Variants in ARFGAP2 observed in about 807,000 individuals in gnomAD.
ARFGAP2 encodes the protein ADP-ribosylation factor GTPase-activating protein 2.
Under a neutral mutation model 71.9 loss-of-function variants are expected in ARFGAP2, and 45 were observed. That is an observed-to-expected ratio of 0.63 (90% CI 0.49 to 0.80). The LOEUF is 0.80. Ranked by LOEUF, ARFGAP2 falls within the 30% of genes least tolerant of loss-of-function variation. ARFGAP2 has a pLI of 0.00. For synonymous variants in ARFGAP2, 248 were observed against 249.2 expected, an observed-to-expected ratio of 1.00 and a Z score of 0.05; for missense variants, 633 against 673.9, an observed-to-expected ratio of 0.94 and a Z score of 0.67.
At chr11:47,174,683 CTGCGCCCGGCCCACAG>C in intron 5 of ARFGAP2, 1 of 274,286 alleles carries the variant, frequency 3.6e-6, no homozygotes, top group Non-Finnish European at 7.1e-6. Context: ...GCGTGAGCCA[CTGCGCCCGGCCCACAG>C]TGCCTTTCTT....
intron 7 of ARFGAP2, 76 bp downstream of exon 7, chr11:47,173,350 C>T: frequency 7.3e-6 from 11 of 1,506,090 alleles, no homozygotes; most frequent in African/African-American, 1.4e-5. Flanking sequence ...CACGGCCAGG[C>T]AGTAGGACCT....
In ARFGAP2 at chr11:47,176,472, CT is replaced by C; in HGVS notation, c.191+43del. ...ACTCTCCCTTGTTGCCCAGACACCC[CT>C]GGCCGGCCGGGTGGAAACACGGCAA... On this transcript the variant is annotated intron_variant, in intron 2 of 15. Transcript: ENST00000524782. 2 of 1,584,052 alleles carry C rather than the reference CT, an allele frequency of 1.3e-6. 1 individual carries two copies. Among genetic ancestry groups the C allele is most frequent in the South Asian group, 2.2e-5 (2 of 90,302 alleles).
In ARFGAP2 at chr11:47,175,079, C is replaced by T. The variant is rs755131514; in HGVS notation, c.416G>A (p.Ser139Asn). ...HGTDLWIDNM[S>N]SAVPNHSPEK... is the part of the protein sequence containing the mutation. ...TGGGGAGTGATTAGGAACGGCACTA[C>T]TCATGTTGTCTATCCAAAGCTAGAA... Residue 139 changes from serine (S) to asparagine (N), a missense_variant, in exon 5 of 16, where the codon AGT (serine) becomes AAT (asparagine). Coordinates refer to ENST00000524782, the MANE Select transcript of ARFGAP2 (RefSeq NM_032389.6). 12 of 1,614,162 alleles carry T rather than the reference C, an allele frequency of 7.4e-6. No homozygotes were observed. In the East Asian group the frequency reaches 2.5e-4, roughly 33 times the overall value.
At chr11:47,170,758 C>A (rs544513408) in intron 10 of ARFGAP2, among the ~76,000 whole-genome samples, 1 of 152,114 alleles carries the variant, frequency 6.6e-6, no homozygotes, top group South Asian at 2.1e-4. Context: ...CCAGGCTGGA[C>A]AACATAGCAA....
At position 47,166,482 on chromosome 11, in the gene ARFGAP2, C is replaced by T. The variant is rs772468493; in HGVS notation, c.1426+24G>A. 3 of 1,612,476 alleles carry T rather than the reference C, an allele frequency of 1.9e-6. No individual in the cohort carries two copies. The East Asian group carries it at 6.7e-5, about 36-fold the overall frequency. ...CCCTGCTCCCAGGCCTCACTTGGTG[C>T]CTGCCACCCCACCAGGGCCCTACCT... On this transcript the variant is annotated intron_variant, in intron 14 of 15. Transcript: ENST00000524782.
intron 8 of ARFGAP2, chr11:47,172,003 G>A (rs1952619025): frequency 1.2e-5 from 10 of 835,358 alleles, no homozygotes; most frequent in Middle Eastern, 3.7e-4. Context: ...AGCAGAGCCC[G>A]GGCCTGAGGA....
At position 47,172,229 on chromosome 11, in the gene ARFGAP2, T is replaced by A. The variant is rs1277671787; in HGVS notation, c.672+52A>T. 3 of 1,575,108 alleles carry A rather than the reference T, an allele frequency of 1.9e-6. No homozygotes were observed. The African/African-American group carries it at 4.0e-5, about 21-fold the overall frequency. The stretch of plus-strand genomic sequence containing the variant: ...GGTAAGGTCAAGGAGTGAACCCAGG[T>A]AGCCTGCACCCAGCTCCTAACCCCT... On this transcript the variant is annotated intron_variant, in intron 8 of 15. Transcript: ENST00000524782.
chr11:47,172,644 C>G, intron 7 of ARFGAP2: 1 of 1,329,078 alleles, frequency 7.5e-7, no homozygotes, highest in Non-Finnish European at 9.9e-7. Context: ...TGGTGAGCAC[C>G]AGGCTCCGCT....
chr11:47,166,979 G>C, intron 12 of ARFGAP2, 93 bp from the exon 13 acceptor site: 1 of 1,470,080 alleles, frequency 6.8e-7, no homozygotes, highest in South Asian at 1.3e-5. Flanking sequence ...TGGCCTTTTG[G>C]TGATGGGTTA....
rs1429536245 is a variant in ARFGAP2, at chr11:47,166,773, T to A, written c.1319A>T (p.Glu440Val). ...AISSDMFFGR[E>V]VDAEYEARSR... ...AGCCCCACTTACCTCTGCATCCACC[T>A]CCCGCCCAAAGAACATGTCAGATGA... The change falls in exon 13 of 16, where the codon GAG becomes GTG. Residue 440 changes from glutamate (E) to valine (V), a missense_variant. Glu to Val is a moderately radical substitution (Grantham distance 121, BLOSUM62 -2). Coordinates refer to ENST00000524782, the MANE Select transcript of ARFGAP2 (RefSeq NM_032389.6). 1.2e-6 allele frequency: 2 copies of A among 1,613,632 alleles called. No individual in the cohort carries two copies. The highest frequency in any genetic ancestry group is 1.7e-6 in the Non-Finnish European group (2 of 1,179,820).
At chr11:47,174,287 A>C (rs1279591749) in intron 5 of ARFGAP2, 1 of 175,594 alleles carries the variant, frequency 5.7e-6, no homozygotes, top group Non-Finnish European at 1.2e-5. Flanking sequence ...TTCAGCACCC[A>C]GGGCCAGTAA....
chr11:47,171,703 T>A lies in ARFGAP2; in HGVS notation c.770A>T (p.Gln257Leu). 6.2e-7 allele frequency: 1 copy of A among 1,613,880 alleles called. No homozygotes were observed. The highest frequency in any genetic ancestry group is 8.5e-7 in the Non-Finnish European group (1 of 1,180,046). The change falls in exon 9 of 16, where the codon CAG (glutamine) becomes CTG (leucine). Residue 257 changes from glutamine (Q) to leucine (L), a missense_variant. Coordinates refer to ENST00000524782, the MANE Select transcript of ARFGAP2 (RefSeq NM_032389.6). ...QAQVAEKLRE[Q>L]QAADAKKQAE... Reference sequence around the variant, plus strand: ...CTGCTTCTTGGCATCGGCTGCCTGCTGCTCACGGAGCTTCTCTGCCACCTG... The same window carrying A: ...CTGCTTCTTGGCATCGGCTGCCTGCAGCTCACGGAGCTTCTCTGCCACCTG...
intron 10 of ARFGAP2, chr11:47,168,521 A>T: frequency 6.6e-6 from 2 of 305,238 alleles, no homozygotes; most frequent in South Asian, 4.7e-5. Context: ...GTTATAATTT[A>T]ATTTTATTTA....
chr11:47,173,915 C>T, intron 5 of ARFGAP2, 75 bp from the exon 6 acceptor site: 3 of 1,546,006 alleles, frequency 1.9e-6, no homozygotes, highest in Non-Finnish European at 2.6e-6. Flanking sequence ...CCTACAAGCA[C>T]CTTGTGGACA....
At chr11:47,167,574 G>T (rs553070462) in intron 12 of ARFGAP2, among the ~76,000 whole-genome samples, 29 of 152,224 alleles carry the variant, frequency 1.9e-4, no homozygotes, top group Middle Eastern at 6.8e-3. Flanking sequence ...CAGAGAAATG[G>T]ACCCCAAGCA....
Position 47,171,779 on chromosome 11 carries a change from C to G in ARFGAP2, c.694G>C (p.Gly232Arg). Residue 232 changes from glycine to arginine, a missense_variant, in exon 9 of 16, where the codon GGG becomes CGG. Gly to Arg is a moderately radical substitution (Grantham distance 125). Coordinates refer to ENST00000524782, the MANE Select transcript of ARFGAP2 (RefSeq NM_032389.6). ...CTCTGGCTGCTCACCTTCTGGGCCC[C>G]TAGGCCTTTCTTGGCACCCAGCTGG... ...KKGLGAKKGL[G>R]AQKVSSQSFS... 6.2e-7 allele frequency: 1 copy of G among 1,613,896 alleles called. No homozygotes were observed. The highest frequency in any genetic ancestry group is 1.1e-5 in the South Asian group (1 of 91,086).
intron 5 of ARFGAP2, 44 bp from the exon 6 acceptor site, chr11:47,173,884 T>G (rs1485749928): frequency 1.2e-5 from 18 of 1,560,976 alleles, no homozygotes; most frequent in Non-Finnish European, 1.6e-5. Flanking sequence ...GAGCCACTCC[T>G]GCTGGCAAGA....
intron 7 of ARFGAP2, chr11:47,172,704 A>C: frequency 7.7e-7 from 1 of 1,304,448 alleles, no homozygotes; most frequent in African/African-American, 1.5e-5. Flanking sequence ...AGCAGCTGTC[A>C]GTTACCTCTG....
chr11:47,166,923 A>G lies in ARFGAP2; in HGVS notation c.1206-37T>C, dbSNP rs1408822669. On this transcript the variant is annotated intron_variant, in intron 12 of 15. Coordinates refer to ENST00000524782, the MANE Select transcript of ARFGAP2 (RefSeq NM_032389.6). ...ATGTGGAATATCTCGGACTCCTCCC[A>G]TTATCATCAGGGGAGGCAGAGTACA... is the stretch of plus-strand genomic sequence containing the variant. 1.9e-6 allele frequency: 3 copies of G among 1,600,432 alleles called. No homozygotes were observed. In the Admixed American group the frequency reaches 5.0e-5, roughly 27 times the overall value.
Sources: allele counts gnomAD v4.1 joint callset (sites outside exome capture counted in the v4.1 genomes callset), GRCh38; gene constraint gnomAD v4.1.1; transcripts MANE v1.5; gene names NCBI Gene and HGNC (gene_info 2026-07-23, HGNC 2026-07-21).